Variants in C6orf132 observed in about 807,000 individuals in gnomAD.
C6orf132 encodes chromosome 6 open reading frame 132, also known as uncharacterized protein C6orf132.
In C6orf132, 43 loss-of-function variants were observed where a neutral mutation model predicts 65.3. The observed-to-expected ratio is 0.66, with a 90% CI of 0.52 to 0.85. The LOEUF (loss-of-function observed/expected upper bound fraction) is 0.85, where lower values mean the gene tolerates loss of function less well. Among genes scored for constraint, C6orf132 ranks in the 40% least tolerant of loss-of-function variants. The probability of loss-of-function intolerance (pLI) is 0.00; values close to 1 mark genes in which losing one functional copy is unlikely to be tolerated. For missense variants in C6orf132, 1,488 were observed against 1,548.8 expected (o/e 0.96, Z 0.66); for synonymous variants, 631 against 654.1 (o/e 0.96, Z 0.54).
Position 42,106,155 on chromosome 6 carries a change from A to G in C6orf132, c.1757T>C (p.Ile586Thr), listed in dbSNP as rs1245533227. 2 of 1,537,188 alleles carry G rather than the reference A, an allele frequency of 1.3e-6. No homozygotes were observed. Among genetic ancestry groups the G allele is most frequent in the Non-Finnish European group, 1.7e-6 (2 of 1,146,896 alleles). ...CCGAGGCTTAGGGGGCAGAGATCCT[A>G]TGCTGGGCTTAGCCTCCTTCTCTGC... is the stretch of plus-strand genomic sequence containing the variant. Reference protein sequence around the residue: ...SAAEKEAKPSIGSLPPKPRLE... With the variant: ...SAAEKEAKPSTGSLPPKPRLE... Residue 586 changes from isoleucine (I) to threonine (T), a missense_variant, in exon 4 of 5, where the codon ATA (isoleucine) becomes ACA (threonine). Ile to Thr is a moderately conservative substitution (Grantham distance 89). Coordinates refer to ENST00000341865, the MANE Select transcript of C6orf132 (RefSeq NM_001164446.3).
At chr6:42,132,524 T>TAAGAAG (rs368964447) in intron 1 of C6orf132, among the ~76,000 whole-genome samples, 1 of 143,578 alleles carries the variant, frequency 7.0e-6, no homozygotes, top group African/African-American at 2.8e-5. Context: ...CAAAAAATAA[T>TAAGAAG]AAGAAGAAGA....
rs1054212635 is a variant in C6orf132, at chr6:42,104,629, G to C, written c.3283C>G (p.Gln1095Glu). ...CGCCGCATCTCGGGGCCTCCGGGCT[G>C]CGGCCCGAAGCAGTTGGGAGAGCTC... ...SLSSPNCFGP[Q>E]PGGPEMRRVN... Residue 1095 changes from glutamine to glutamate, a missense_variant, in exon 4 of 5, where the codon CAG (glutamine) becomes GAG (glutamate). Coordinates refer to ENST00000341865, the MANE Select transcript of C6orf132 (RefSeq NM_001164446.3). This position sits in a 1 kb window ranked among gnomAD's most constrained non-coding sequence, Gnocchi z 4.1. 3 of 1,394,542 alleles carry C rather than the reference G, an allele frequency of 2.2e-6. No individual in the cohort carries two copies. The highest frequency in any genetic ancestry group is 2.8e-6 in the Non-Finnish European group (3 of 1,080,596). The allele number at this position is 1,394,542 out of a possible 1,614,324, so 86.4% of individuals were successfully genotyped here. A position where few individuals can be genotyped will look rare whatever the true frequency, so the allele number is the denominator to read the frequency against.
At chr6:42,115,289 CA>C (rs58397911) in intron 2 of C6orf132, among the ~76,000 whole-genome samples, 8,648 of 73,566 alleles carry the variant, frequency 0.12, 642 homozygotes, top group African/African-American at 0.29. Flanking sequence ...GACTCCATCT[CA>C]AAAAAAAAAA....
intron 1 of C6orf132, among the ~76,000 whole-genome samples, chr6:42,139,827 A>G (rs933592387): frequency 6.6e-6 from 1 of 152,168 alleles, no homozygotes; most frequent in Non-Finnish European, 1.5e-5. Flanking sequence ...TTTTTGTTTT[A>G]ATGCTCTTCA....
rs1766331758 is a variant in C6orf132, at chr6:42,103,541, A to C, written c.*220T>G. On this transcript the variant is annotated 3_prime_UTR_variant, in exon 5 of 5. Coordinates refer to ENST00000341865, the MANE Select transcript of C6orf132 (RefSeq NM_001164446.3). ...CCTTCCCCTCCCACCCCCCACGTGT[A>C]AACAGTCCACAGTCACACCAGCGCT... 1 of 279,462 alleles carries C rather than the reference A, an allele frequency of 3.6e-6. No individual in the cohort carries two copies. 17.3% of individuals were successfully genotyped at this position (279,462 alleles called of 1,614,324 possible).
rs1458764008 is a variant in C6orf132, at chr6:42,106,849, C to G, written c.1063G>C (p.Asp355His). 20 of 1,535,328 alleles carry G rather than the reference C, an allele frequency of 1.3e-5. No individual in the cohort carries two copies. Among genetic ancestry groups the G allele is most frequent in the Admixed American group, 2.0e-5 (1 of 50,926 alleles). The change falls in exon 4 of 5, where the codon GAC (aspartate) becomes CAC (histidine). Residue 355 changes from aspartate to histidine, a missense_variant. Physicochemically the swap from Asp to His is moderately conservative, Grantham distance 81. Transcript: ENST00000341865. ...GGGCAGTCTGGCTCGGGGGCCCTGT[C>G]TGGGTAGACCTGGGAGGCGGGGCGG... ...HIRPASQVYP[D>H]RAPEPDCPGE...
rs751464040 is a variant in C6orf132 at position 42,105,923 on chromosome 6, G to C, written c.1989C>G (p.Pro663=). 41 of 1,537,002 alleles carry C rather than the reference G, an allele frequency of 2.7e-5. No homozygotes were observed. Among genetic ancestry groups the C allele is most frequent in the Non-Finnish European group, 3.4e-5 (39 of 1,146,898 alleles). Reference sequence around the variant, plus strand: ...GTGTGGCTGGCCCAAGTGTGGCCTTGGGTGGTGTGGCTGGCCAAAGTGTAG... The same window carrying C: ...GTGTGGCTGGCCCAAGTGTGGCCTTCGGTGGTGTGGCTGGCCAAAGTGTAG... ...PKATLWPATP[P]KATLGPATPL... The change falls in exon 4 of 5, where the codon CCC becomes CCG. Residue 663 remains proline (P), a synonymous_variant. Coordinates refer to ENST00000341865, the MANE Select transcript of C6orf132 (RefSeq NM_001164446.3).
Position 42,116,170 on chromosome 6 carries a change from C to T in C6orf132, c.253-5879G>A, listed in dbSNP as rs571056027. Among the ~76,000 whole-genome samples the T allele has an allele frequency of 6.6e-5, 10 of 151,840 alleles. No individual in the cohort carries two copies. The East Asian group carries it at 1.4e-3, about 21-fold the overall frequency. On this transcript the variant is annotated intron_variant, in intron 2 of 4. Coordinates refer to ENST00000341865, the MANE Select transcript of C6orf132 (RefSeq NM_001164446.3). ...GTCTTGAACTCCTGAGCTTGTGATC[C>T]GCCCGCCGTGGCCTCCCAAAGTGCT...
At chr6:42,118,868 ATTTTTTT>A (rs546407195) in intron 2 of C6orf132, among the ~76,000 whole-genome samples, 1 of 113,202 alleles carries the variant, frequency 8.8e-6, no homozygotes, top group Non-Finnish European at 1.8e-5. Context: ...CAGCCCTTTA[ATTTTTTT>A]TTTTTTTTTT....
chr6:42,121,099 G>A (rs1404991634), intron 2 of C6orf132, among the ~76,000 whole-genome samples: 1 of 152,172 alleles, frequency 6.6e-6, no homozygotes, highest in African/African-American at 2.4e-5. Flanking sequence ...TTTCTCATCT[G>A]TAAAATGGGA....
chr6:42,103,528 AC>A lies in C6orf132; in HGVS notation c.*232del. ...TTCTCTCTACCCTCCTTCCCCTCCC[AC>A]CCCCCACGTGTAAACAGTCCACAGT... is the stretch of plus-strand genomic sequence containing the variant. On this transcript the variant is annotated 3_prime_UTR_variant, in exon 5 of 5. Coordinates refer to ENST00000341865, the MANE Select transcript of C6orf132 (RefSeq NM_001164446.3). The A allele has an allele frequency of 2.5e-5, 5 of 202,280 alleles. No homozygotes were observed. The highest frequency in any genetic ancestry group is 3.5e-5 in the Non-Finnish European group (4 of 113,104). The allele number at this position is 202,280 out of a possible 1,614,324, so 12.5% of individuals were successfully genotyped here.
Position 42,106,745 on chromosome 6 carries a change from A to G in C6orf132, c.1167T>C (p.Thr389=). ...SQSQADERAG[T]PPPAPPLPPP... is the part of the protein sequence containing the mutation. ...GGGGCAGGGGAGGGGCTGGAGGCGG[A>G]GTCCCAGCTCGTTCATCTGCTTGGG... is the stretch of plus-strand genomic sequence containing the variant. Residue 389 remains threonine (T), a synonymous_variant, in exon 4 of 5, where the codon ACT becomes ACC. Coordinates refer to ENST00000341865, the MANE Select transcript of C6orf132 (RefSeq NM_001164446.3). The G allele has an allele frequency of 6.5e-7, 1 of 1,529,070 alleles. No homozygotes were observed. The highest frequency in any genetic ancestry group is 8.7e-7 in the Non-Finnish European group (1 of 1,143,756). The allele number at this position is 1,529,070 out of a possible 1,614,324, so 94.7% of individuals were successfully genotyped here.
chr6:42,126,752 A>T, intron 2 of C6orf132: 1 of 333,676 alleles, frequency 3.0e-6, no homozygotes, highest in Non-Finnish European at 5.4e-6. Flanking sequence ...CTGAGGCAGG[A>T]GAATCGCTTG....
At chr6:42,123,911 G>A (rs1766728604) in intron 2 of C6orf132, among the ~76,000 whole-genome samples, 1 of 152,208 alleles carries the variant, frequency 6.6e-6, no homozygotes, top group African/African-American at 2.4e-5. Flanking sequence ...GGTTGCGCCA[G>A]TAGCTGGAAA....
intron 2 of C6orf132, chr6:42,126,845 T>C: frequency 8.3e-6 from 3 of 361,986 alleles, no homozygotes; most frequent in South Asian, 5.4e-5. Flanking sequence ...AAACTCAGTC[T>C]GCAAAAAAAA....
rs781533719 is a variant in C6orf132, at chr6:42,103,281, G to A, written c.*480C>T. ...TGATGGAGGCTAAAGATCTCCCTTCGGTGCCCTGCACACCCACCAGACAGA... is the reference window on the plus strand; with the variant it reads ...TGATGGAGGCTAAAGATCTCCCTTCAGTGCCCTGCACACCCACCAGACAGA... On this transcript the variant is annotated 3_prime_UTR_variant, in exon 5 of 5. Transcript: ENST00000341865. The A allele has an allele frequency of 4.7e-5, 18 of 380,876 alleles. No homozygotes were observed. The highest frequency in any genetic ancestry group is 7.6e-5 in the Non-Finnish European group (17 of 222,658). 23.6% of individuals were successfully genotyped at this position (380,876 alleles called of 1,614,324 possible).
At position 42,142,458 on chromosome 6, in the gene C6orf132, G is replaced by C; in HGVS notation, c.-14C>G. 6.5e-7 allele frequency: 1 copy of C among 1,548,886 alleles called. No homozygotes were observed. The highest frequency in any genetic ancestry group is 1.4e-5 in the African/African-American group (1 of 73,058). On this transcript the variant is annotated 5_prime_UTR_variant, in exon 1 of 5. Coordinates refer to ENST00000341865, the MANE Select transcript of C6orf132 (RefSeq NM_001164446.3). ...CTTCTTTTTCATGCTGCCGCAGCCCGCGCGGGCGCCAGGGAAGGACCTTCC... is the reference window on the plus strand; with the variant it reads ...CTTCTTTTTCATGCTGCCGCAGCCCCCGCGGGCGCCAGGGAAGGACCTTCC...
intron 1 of C6orf132, among the ~76,000 whole-genome samples, chr6:42,129,329 T>C (rs1766817247): frequency 6.6e-6 from 1 of 152,196 alleles, no homozygotes; most frequent in Non-Finnish European, 1.5e-5. Context: ...TAATGCACCC[T>C]TGAGGGCAGA....
intron 2 of C6orf132, among the ~76,000 whole-genome samples, chr6:42,120,333 G>A (rs182533570): frequency 0.017 from 2,320 of 138,174 alleles, 21 homozygotes; most frequent in Middle Eastern, 0.093. Flanking sequence ...TGCAAGCTCC[G>A]CCTCCCGGGT....
Sources: allele counts gnomAD v4.1 joint callset (sites outside exome capture counted in the v4.1 genomes callset), GRCh38; gene constraint gnomAD v4.1.1; non-coding constraint Gnocchi (gnomAD v3.1); transcripts MANE v1.5; gene names NCBI Gene and HGNC (gene_info 2026-07-23, HGNC 2026-07-21).